Variants in GALNT13 observed in about 807,000 individuals in gnomAD.
GALNT13 encodes the protein polypeptide N-acetylgalactosaminyltransferase 13.
In GALNT13, 28 loss-of-function variants were observed where a neutral mutation model predicts 64.2. The observed-to-expected ratio is 0.44, with a 90% confidence interval of 0.32 to 0.60. The LOEUF (loss-of-function observed/expected upper bound fraction) is 0.60. Ranked by LOEUF, GALNT13 falls within the 20% of genes least tolerant of loss-of-function variation. GALNT13 has a pLI of 0.05. For synonymous variants in GALNT13, 214 were observed against 224.6 expected, an observed-to-expected ratio of 0.95 and a Z score of 0.42; for missense variants, 577 against 669.8, an observed-to-expected ratio of 0.86 and a Z score of 1.53.
At chr2:153,751,833 G>A in the GALNT13 span, among the ~76,000 whole-genome samples, 2 of 150,990 alleles carry the variant, frequency 1.3e-5, no homozygotes, top group African/African-American at 4.9e-5. Context: ...TACATTCAAT[G>A]TTATTATTTA....
chr2:153,223,109 T>G, the GALNT13 span, among the ~76,000 whole-genome samples: 3 of 152,102 alleles, frequency 2.0e-5, no homozygotes, highest in Admixed American at 2.0e-4. Flanking sequence ...ACGAGAAAAA[T>G]TATTCAAGAA....
At chr2:153,878,127 A>G (rs891284487) in intron 1 of GALNT13, among the ~76,000 whole-genome samples, 2 of 152,190 alleles carry the variant, frequency 1.3e-5, no homozygotes, top group Non-Finnish European at 2.9e-5. Context: ...GTATAGTAAG[A>G]ATGATTGAAA....
the GALNT13 span, among the ~76,000 whole-genome samples, chr2:153,278,306 G>A: frequency 6.6e-6 from 1 of 152,112 alleles, no homozygotes; most frequent in Non-Finnish European, 1.5e-5. Context: ...TCTGTAGGTT[G>A]TCTGTTTACT....
At chr2:153,109,305 C>T in the GALNT13 span, among the ~76,000 whole-genome samples, 2 of 152,118 alleles carry the variant, frequency 1.3e-5, no homozygotes, top group African/African-American at 4.8e-5. Context: ...TCTAAGATGA[C>T]ATGTAGTCAT....
intron 4 of GALNT13, among the ~76,000 whole-genome samples, chr2:154,176,240 A>T (rs868510731): frequency 3.8e-4 from 50 of 132,750 alleles, no homozygotes; most frequent in Admixed American, 3.2e-3. Flanking sequence ...GAACATATAT[A>T]TTATTTATTT....
chr2:153,816,430 T>C, the GALNT13 span, among the ~76,000 whole-genome samples: 2 of 152,060 alleles, frequency 1.3e-5, no homozygotes, highest in African/African-American at 4.8e-5. Flanking sequence ...GAAGAAATAG[T>C]GGGGAAGGGC....
the GALNT13 span, among the ~76,000 whole-genome samples, chr2:153,389,138 C>G: frequency 6.2e-3 from 942 of 152,200 alleles, 1 homozygote; most frequent in South Asian, 0.015. Context: ...TTTGCTAATA[C>G]TTGCATAAGA....
intron 9 of GALNT13, among the ~76,000 whole-genome samples, chr2:154,329,723 T>A (rs533010316): frequency 6.6e-6 from 1 of 152,108 alleles, no homozygotes; most frequent in Non-Finnish European, 1.5e-5. Flanking sequence ...GGATGAAATG[T>A]CCTTCCTAGG....
chr2:153,301,760 T>C, the GALNT13 span, among the ~76,000 whole-genome samples: 1 of 152,126 alleles, frequency 6.6e-6, no homozygotes, highest in Non-Finnish European at 1.5e-5. Context: ...TGAGGTTATA[T>C]GGTCTTTGTC....
chr2:153,881,354 C>A (rs1686772054), intron 1 of GALNT13, among the ~76,000 whole-genome samples: 1 of 152,158 alleles, frequency 6.6e-6, no homozygotes, highest in East Asian at 1.9e-4. Context: ...ATAATTTTAA[C>A]AATTTATATT....
the GALNT13 span, among the ~76,000 whole-genome samples, chr2:153,174,360 G>T: frequency 6.6e-6 from 1 of 152,106 alleles, no homozygotes; most frequent in South Asian, 2.1e-4. Flanking sequence ...CAGGATGGCA[G>T]TGTTTATGCT....
At chr2:154,256,888 A>G (rs1690406546) in intron 7 of GALNT13, among the ~76,000 whole-genome samples, 1 of 152,150 alleles carries the variant, frequency 6.6e-6, no homozygotes, top group African/African-American at 2.4e-5. Context: ...CATAATCAAG[A>G]TTTTTCATTT....
intron 9 of GALNT13, among the ~76,000 whole-genome samples, chr2:154,313,089 A>T (rs1694133965): frequency 6.6e-6 from 1 of 151,696 alleles, no homozygotes; most frequent in South Asian, 2.1e-4. Context: ...TAGCATTTCA[A>T]CAATTATTTT....
chr2:154,377,631 G>A (rs1489186203), intron 9 of GALNT13, among the ~76,000 whole-genome samples: 1 of 152,066 alleles, frequency 6.6e-6, no homozygotes, highest in Non-Finnish European at 1.5e-5. Context: ...AGTTACATTG[G>A]CGTAGTTAAT....
intron 3 of GALNT13, among the ~76,000 whole-genome samples, chr2:154,015,309 A>C (rs1696930359): frequency 6.6e-6 from 1 of 152,240 alleles, no homozygotes; most frequent in Non-Finnish European, 1.5e-5. Flanking sequence ...ATTTGTTAAA[A>C]ATTTAACAAT....
the GALNT13 span, among the ~76,000 whole-genome samples, chr2:153,680,110 CACTA>C: frequency 6.6e-6 from 1 of 151,520 alleles, no homozygotes; most frequent in African/African-American, 2.4e-5. Flanking sequence ...GTTAAGAAGA[CACTA>C]AATAAATATG....
chr2:153,230,865 C>T, the GALNT13 span, among the ~76,000 whole-genome samples: 1 of 152,130 alleles, frequency 6.6e-6, no homozygotes, highest in Non-Finnish European at 1.5e-5. Flanking sequence ...CTTGTGATTA[C>T]TATGAAATCC....
chr2:153,960,072 C>G (rs1345836646), intron 3 of GALNT13, among the ~76,000 whole-genome samples: 6 of 152,236 alleles, frequency 3.9e-5, no homozygotes, highest in Non-Finnish European at 8.8e-5. Flanking sequence ...ATCAGCTCCA[C>G]TGCCTGCCAG....
At chr2:153,328,958 T>C in the GALNT13 span, among the ~76,000 whole-genome samples, 2 of 152,204 alleles carry the variant, frequency 1.3e-5, no homozygotes, top group Admixed American at 1.3e-4. Context: ...GGGAATCTCC[T>C]TGTCTGCGAG....
Sources: allele counts gnomAD v4.1 joint callset (sites outside exome capture counted in the v4.1 genomes callset), GRCh38; gene constraint gnomAD v4.1.1; transcripts MANE v1.5; gene names NCBI Gene and HGNC (gene_info 2026-07-23, HGNC 2026-07-21).